The following PEX11G variants were observed in gnomAD, a reference collection of about 807,000 sequenced individuals.
PEX11G encodes peroxisomal membrane protein 11C.
Under a neutral mutation model 22.5 loss-of-function variants are expected in PEX11G, and 20 were observed. That is an observed-to-expected ratio of 0.89 (90% CI 0.62 to 1.29). The LOEUF is 1.29. PEX11G is among the 50% of genes most tolerant of loss of function. The probability of loss-of-function intolerance (pLI) is 0.00; values close to 1 mark genes in which losing one functional copy is unlikely to be tolerated. For synonymous variants in PEX11G, 141 were observed against 154.5 expected (o/e 0.91, Z 0.65); for missense variants, 347 against 331.3 (o/e 1.05, Z -0.37).
chr19:7,489,550 A>T, upstream of PEX11G: 1 of 947,042 alleles, frequency 1.1e-6, no homozygotes, highest in Non-Finnish European at 1.3e-6. Flanking sequence ...TGCACAATTC[A>T]GTGACATTAG....
At chr19:7,480,896 G>A (rs1428064330) in intron 3 of PEX11G, among the ~76,000 whole-genome samples, 1 of 152,126 alleles carries the variant, frequency 6.6e-6, no homozygotes. Context: ...TTTGCAAAGA[G>A]GAAAATGTTT....
At chr19:7,486,117 T>C in intron 1 of PEX11G, 91 bp from the exon 2 acceptor site, 1 of 1,133,930 alleles carries the variant, frequency 8.8e-7, no homozygotes, top group South Asian at 1.7e-5. Flanking sequence ...CCCGCTGGAT[T>C]GAGAGTGTGG....
At chr19:7,478,473 G>T in intron 3 of PEX11G, 97 bp from the exon 4 acceptor site, 2 of 1,306,338 alleles carry the variant, frequency 1.5e-6, no homozygotes, top group South Asian at 1.3e-5. Context: ...GACAGGTGCT[G>T]CATCTCGGAT....
Position 7,478,317 on chromosome 19 carries a change from G to GTT in PEX11G, c.487_488insAA (p.Thr163LysfsTer52). 1 of 1,610,992 alleles carries GTT rather than the reference G, an allele frequency of 6.2e-7. No individual in the cohort carries two copies. On this transcript the variant is annotated frameshift_variant, in exon 4 of 5. Coordinates refer to ENST00000221480, the MANE Select transcript of PEX11G (RefSeq NM_080662.4). LOFTEE classifies it low-confidence loss of function (END_TRUNC). ...CTGGGTGATCACGGGCTCCTACCTG[G>GTT]TGAAGGGCGCCGTGGGGCTCCGCAG...
upstream of PEX11G, among the ~76,000 whole-genome samples, chr19:7,492,382 T>C (rs553263163): frequency 1.3e-5 from 2 of 152,192 alleles, no homozygotes; most frequent in African/African-American, 2.4e-5. Flanking sequence ...TGCCACCCCA[T>C]TGTGGTTTTG....
Position 7,488,931 on chromosome 19 carries a change from C to A in PEX11G, c.60+20G>T, listed in dbSNP as rs2145981325. 6.5e-7 allele frequency: 1 copy of A among 1,549,040 alleles called. No individual in the cohort carries two copies. Among genetic ancestry groups the A allele is most frequent in the East Asian group, 2.4e-5 (1 of 40,898 alleles). On this transcript the variant is annotated intron_variant, in intron 1 of 4. Transcript: ENST00000221480. ...GGGCCAAACTCTAGGACCTCCGGCC[C>A]CGGTCCGCCCCTGCCTCACCAGGCG...
intron 1 of PEX11G, among the ~76,000 whole-genome samples, 190 bp from the exon 2 acceptor site, chr19:7,486,216 T>A (rs2021650874): frequency 6.6e-6 from 1 of 152,084 alleles, no homozygotes; most frequent in East Asian, 1.9e-4. Flanking sequence ...AGCCTCCATC[T>A]CCCATGTTCA....
upstream of PEX11G, among the ~76,000 whole-genome samples, chr19:7,493,258 T>TCATAGCACCACTGCTGCATTGAACTCC (rs1555736882): frequency 1.3e-5 from 2 of 151,622 alleles, no homozygotes; most frequent in Non-Finnish European, 1.5e-5. Context: ...AGTGGCATGA[T>TCATAGCACCACTGCTGCATTGAACTCC]TTCGGCTCAC....
At chr19:7,485,764 G>A (rs1599220266) in intron 2 of PEX11G, 74 bp downstream of exon 2, 1 of 1,389,668 alleles carries the variant, frequency 7.2e-7, no homozygotes, top group Non-Finnish European at 9.7e-7. Context: ...CCACTGTGAG[G>A]GGCCAAAAAA....
At chr19:7,494,431 C>G (rs921361277) in intron 1 of PEX11G, among the ~76,000 whole-genome samples, 2 of 152,190 alleles carry the variant, frequency 1.3e-5, no homozygotes, top group African/African-American at 4.8e-5. Flanking sequence ...AAGGTCCAGA[C>G]ATGCAGAGGA....
chr19:7,486,115 A>T (rs1599221216), intron 1 of PEX11G, 89 bp from the exon 2 acceptor site: 1 of 1,144,820 alleles, frequency 8.7e-7, no homozygotes, highest in East Asian at 2.5e-5. Context: ...GCCCCGCTGG[A>T]TTGAGAGTGT....
At position 7,486,013 on chromosome 19, in the gene PEX11G, C is replaced by T. The variant is rs201465252; in HGVS notation, c.74G>A (p.Gly25Glu). 7.5e-6 allele frequency: 12 copies of T among 1,592,044 alleles called. No individual in the cohort carries two copies. Among genetic ancestry groups the T allele is most frequent in the Admixed American group, 3.4e-5 (2 of 59,562 alleles). ...RGRDRLIRVLGYCCQLVGGVL... is the reference protein window; with the variant it reads ...RGRDRLIRVLEYCCQLVGGVL... ...TCCACCAACCAGCTGGCAGCAGTACCCCAGCACTCGGATCTGTGGGAAACC... is the reference window on the plus strand; with the variant it reads ...TCCACCAACCAGCTGGCAGCAGTACTCCAGCACTCGGATCTGTGGGAAACC... Residue 25 changes from glycine (G) to glutamate (E), a missense_variant, in exon 2 of 5, where the codon GGG (glycine) becomes GAG (glutamate). By Grantham distance (98) the Gly-to-Glu change is moderately conservative. Coordinates refer to ENST00000221480, the MANE Select transcript of PEX11G (RefSeq NM_080662.4).
At chr19:7,486,120 G>A (rs2021644340) in intron 1 of PEX11G, 94 bp from the exon 2 acceptor site, 4 of 1,069,582 alleles carry the variant, frequency 3.7e-6, no homozygotes, top group Non-Finnish European at 5.2e-6. Context: ...GCTGGATTGA[G>A]AGTGTGGAAG....
chr19:7,485,965 G>A lies in PEX11G; in HGVS notation c.122C>T (p.Ala41Val). The A allele has an allele frequency of 1.9e-6, 3 of 1,610,472 alleles. No homozygotes were observed. The highest frequency in any genetic ancestry group is 2.5e-6 in the Non-Finnish European group (3 of 1,177,336). Reference protein sequence around the residue: ...VGGVLVEQCPARSEVGTRLLV... With the variant: ...VGGVLVEQCPVRSEVGTRLLV... ...CAGACGTGTCCCCACTTCGGACCTGGCGGGACACTGTTCAACCAGAACTCC... is the reference window on the plus strand; with the variant it reads ...CAGACGTGTCCCCACTTCGGACCTGACGGGACACTGTTCAACCAGAACTCC... The change falls in exon 2 of 5, where the codon GCC (alanine) becomes GTC (valine). Residue 41 changes from alanine (A) to valine (V), a missense_variant. Transcript: ENST00000221480.
chr19:7,485,165 A>AT (rs1423284118), intron 2 of PEX11G, among the ~76,000 whole-genome samples: 5 of 146,288 alleles, frequency 3.4e-5, no homozygotes, highest in Admixed American at 6.6e-5. Flanking sequence ...TATAAAAAAA[A>AT]TTTTTTTTGT....
chr19:7,488,468 CA>C (rs1568384082), intron 1 of PEX11G, among the ~76,000 whole-genome samples: 1 of 152,206 alleles, frequency 6.6e-6, no homozygotes, highest in Non-Finnish European at 1.5e-5. Context: ...GCCAGTGTGT[CA>C]ATGTCCAGAC....
At chr19:7,484,981 C>A (rs113827328) in intron 2 of PEX11G, among the ~76,000 whole-genome samples, 2 of 152,150 alleles carry the variant, frequency 1.3e-5, no homozygotes, top group Non-Finnish European at 2.9e-5. Context: ...AAACTACCCA[C>A]GCAGGGAGCA....
intron 2 of PEX11G, among the ~76,000 whole-genome samples, 170 bp downstream of exon 2, chr19:7,485,668 A>C (rs1308725046): frequency 1.3e-5 from 2 of 151,920 alleles, no homozygotes; most frequent in Non-Finnish European, 1.5e-5. Context: ...ACAGGGTTTT[A>C]CCATGTTGGC....
chr19:7,481,534 T>C (rs116252049), intron 3 of PEX11G, among the ~76,000 whole-genome samples: 3,404 of 152,302 alleles, frequency 0.022, 138 homozygotes, highest in African/African-American at 0.079. Context: ...GGTATTACCC[T>C]GGATCATCCA....
Sources: allele counts gnomAD v4.1 joint callset (sites outside exome capture counted in the v4.1 genomes callset), GRCh38; gene constraint gnomAD v4.1.1; transcripts MANE v1.5; gene names NCBI Gene and HGNC (gene_info 2026-07-23, HGNC 2026-07-21).